The following EFHC2 variants were observed in gnomAD, a reference collection of about 807,000 sequenced individuals.
EFHC2 encodes EF-hand domain containing 2, also known as EF-hand domain-containing family member C2.
EFHC2 carries 18 observed loss-of-function variants against 52.7 expected under a neutral mutation model. The observed-to-expected ratio is 0.34, with a 90% CI of 0.24 to 0.51. The LOEUF (loss-of-function observed/expected upper bound fraction) is 0.51. EFHC2 is among the 20% of genes least tolerant of loss of function. EFHC2 has a pLI of 0.97. For missense variants in EFHC2, 513 were observed against 562.5 expected, an observed-to-expected ratio of 0.91 and a Z score of 0.89; for synonymous variants, 203 against 204.1, an observed-to-expected ratio of 0.99 and a Z score of 0.04.
Position 44,232,645 on chromosome X carries a change from G to A in EFHC2, c.1456C>T (p.Arg486Cys), listed in dbSNP as rs367613569. Residue 486 changes from arginine (R) to cysteine (C), a missense_variant, in exon 10 of 15, where the codon CGC (arginine) becomes TGC (cysteine). Transcript: ENST00000420999. ...ACTTCTTGTCCAGGCTTCTTAACGC[G>A]ACTTCTTTTCAAGAACATCCCACCA... Reference protein sequence around the residue: ...IAGGMFLKRSRVKKPGQEVFK... With the variant: ...IAGGMFLKRSCVKKPGQEVFK... 2.3e-5 allele frequency: 27 copies of A among 1,195,895 alleles called. No homozygotes were observed. The South Asian group carries it at 3.5e-4, about 16-fold the overall frequency.
chrX:44,275,588 C>G (rs773684242), intron 2 of EFHC2, among the ~76,000 whole-genome samples: 1 of 108,809 alleles, frequency 9.2e-6, no homozygotes, highest in East Asian at 2.9e-4. Flanking sequence ...AAGGTGTTAT[C>G]ATCATTTATG....
chrX:44,222,035 G>A (rs887453884), intron 11 of EFHC2, among the ~76,000 whole-genome samples: 1 of 111,165 alleles, frequency 9.0e-6, no homozygotes, highest in African/African-American at 3.3e-5. Context: ...ATCATATTTG[G>A]ATTCTAATTT....
intron 4 of EFHC2, among the ~76,000 whole-genome samples, chrX:44,257,494 A>G (rs1054188284): frequency 8.9e-6 from 1 of 111,914 alleles, no homozygotes; most frequent in Admixed American, 9.5e-5. Flanking sequence ...CTGTACACCA[A>G]TAATAGACAG....
chrX:44,307,061 C>T (rs1326121927), intron 2 of EFHC2, among the ~76,000 whole-genome samples: 3 of 110,911 alleles, frequency 2.7e-5, no homozygotes, highest in East Asian at 5.7e-4. Flanking sequence ...CCAGTGTAAC[C>T]TCTCAGGTGT....
rs187797174 is a variant in EFHC2 at position 44,296,578 on chromosome X, T to C, written c.231+15990A>G. Among the ~76,000 whole-genome samples the C allele has an allele frequency of 3.4e-3, 376 of 111,828 alleles. 2 individuals are homozygous for C. The highest frequency in any genetic ancestry group is 0.011 in the African/African-American group (354 of 30,820). ...CATGAAATTTCTAGAACCTAGAGGA[T>C]CATGGTATAAAATCTATGAGTACAG... On this transcript the variant is annotated intron_variant, in intron 2 of 14. Coordinates refer to ENST00000420999, the MANE Select transcript of EFHC2 (RefSeq NM_025184.4).
Position 44,164,023 on chromosome X carries a change from C to T in EFHC2, c.2047G>A (p.Glu683Lys). 1 of 1,085,423 alleles carries T rather than the reference C, an allele frequency of 9.2e-7. No homozygotes were observed. Among genetic ancestry groups the T allele is most frequent in the Non-Finnish European group, 1.2e-6 (1 of 820,035 alleles). The allele number at this position is 1,085,423 out of a possible 1,213,427, so 89.5% of individuals were successfully genotyped here. A position where few individuals can be genotyped will look rare whatever the true frequency, so the allele number is the denominator to read the frequency against. ...DLLESLLSRF[E>K]DSEKQIDYKS... is the part of the protein sequence containing the mutation. ...TAATCTATTTGTTTTTCACTGTCTTCAAACCTGAAAATATAATTATAATAT... is the reference window on the plus strand; with the variant it reads ...TAATCTATTTGTTTTTCACTGTCTTTAAACCTGAAAATATAATTATAATAT... The change falls in exon 14 of 15, where the codon GAA becomes AAA. Residue 683 changes from glutamate to lysine, a missense_variant. Coordinates refer to ENST00000420999, the MANE Select transcript of EFHC2 (RefSeq NM_025184.4).
intron 2 of EFHC2, among the ~76,000 whole-genome samples, chrX:44,297,032 ACC>A (rs2037830533): frequency 1.8e-5 from 2 of 111,669 alleles, no homozygotes; most frequent in Non-Finnish European, 3.8e-5. Flanking sequence ...TGCTCTCCCC[ACC>A]CCATGTAAGG....
chrX:44,175,482 A>T (rs1223427881), intron 13 of EFHC2, among the ~76,000 whole-genome samples: 3 of 111,819 alleles, frequency 2.7e-5, no homozygotes, highest in Non-Finnish European at 5.6e-5. Flanking sequence ...GCATTTGAAA[A>T]GTTCAGGATT....
intron 11 of EFHC2, among the ~76,000 whole-genome samples, chrX:44,201,530 G>T (rs1424028736): frequency 9.0e-6 from 1 of 111,346 alleles, no homozygotes; most frequent in Non-Finnish European, 1.9e-5. Context: ...ACAGTAACAG[G>T]ACTAAAAAGG....
At chrX:44,158,599 G>T (rs2036626990) in intron 14 of EFHC2, among the ~76,000 whole-genome samples, 1 of 110,930 alleles carries the variant, frequency 9.0e-6, no homozygotes, top group Non-Finnish European at 1.9e-5. Context: ...AGCCCTACAT[G>T]TGACTGGCTG....
At position 44,231,941 on chromosome X, in the gene EFHC2, CA is replaced by C. The variant is rs749262175; in HGVS notation, c.1620+539del. Among the ~76,000 whole-genome samples the C allele has an allele frequency of 4.0e-4, 42 of 104,991 alleles. No individual in the cohort carries two copies. In the East Asian group the frequency reaches 6.5e-3, roughly 16 times the overall value. The allele number at this position is 104,991 out of a possible 115,157, so 91.2% of individuals were successfully genotyped here. On this transcript the variant is annotated intron_variant, in intron 10 of 14. Transcript: ENST00000420999. ...ACAGTACCCATCTGCCATCTTATTT[CA>C]AAAAAAAAAACTCTTTGAGCTCACT...
intron 2 of EFHC2, among the ~76,000 whole-genome samples, chrX:44,305,035 G>A (rs1369962528): frequency 9.1e-6 from 1 of 110,415 alleles, no homozygotes. Context: ...GCTGAGGGGG[G>A]TGGATTACCT....
chrX:44,180,066 A>T (rs2036821864), intron 11 of EFHC2, among the ~76,000 whole-genome samples: 1 of 111,814 alleles, frequency 8.9e-6, no homozygotes, highest in African/African-American at 3.3e-5. Context: ...CCAGAATGTG[A>T]ACCCGTGTAG....
chrX:44,292,933 T>C (rs747529211), intron 2 of EFHC2, among the ~76,000 whole-genome samples: 10 of 110,331 alleles, frequency 9.1e-5, no homozygotes, highest in African/African-American at 3.0e-4. Flanking sequence ...ACTAAACCTC[T>C]TTATAAATTA....
At chrX:44,250,695 C>T (rs1452298200) in intron 4 of EFHC2, among the ~76,000 whole-genome samples, 1 of 105,740 alleles carries the variant, frequency 9.5e-6, no homozygotes, top group East Asian at 3.0e-4. Context: ...TGTGGTGTCA[C>T]ACGCCTGTAG....
chrX:44,289,678 T>TC (rs2037778317), intron 2 of EFHC2, among the ~76,000 whole-genome samples: 1 of 67,399 alleles, frequency 1.5e-5, no homozygotes, highest in East Asian at 5.4e-4. Flanking sequence ...CTTTTCTTTC[T>TC]TTTTTTTTTT....
intron 13 of EFHC2, among the ~76,000 whole-genome samples, chrX:44,174,720 G>A (rs2036772941): frequency 9.2e-6 from 1 of 109,134 alleles, no homozygotes; most frequent in African/African-American, 3.3e-5. Flanking sequence ...CTGGACTACT[G>A]GGAACAGGAA....
chrX:44,215,846 G>T (rs2037143227), intron 11 of EFHC2, among the ~76,000 whole-genome samples: 1 of 111,159 alleles, frequency 9.0e-6, no homozygotes, highest in Non-Finnish European at 1.9e-5. Flanking sequence ...CAAGTACAAA[G>T]AATCTTGACG....
intron 2 of EFHC2, chrX:44,285,634 G>T: frequency 8.2e-6 from 1 of 121,879 alleles, no homozygotes. Flanking sequence ...ATCTGGTTTG[G>T]GGGGTCTTTG....
Sources: allele counts gnomAD v4.1 joint callset (sites outside exome capture counted in the v4.1 genomes callset), GRCh38; gene constraint gnomAD v4.1.1; transcripts MANE v1.5; gene names NCBI Gene and HGNC (gene_info 2026-07-23, HGNC 2026-07-21).